The following LARP1B variants were observed in gnomAD, a reference collection of about 807,000 sequenced individuals.
LARP1B encodes la-related protein 1B.
LARP1B carries 76 observed loss-of-function variants against 114.2 expected under a neutral mutation model. The observed-to-expected ratio is 0.67, with a 90% CI of 0.55 to 0.81. LARP1B has a LOEUF of 0.81. Ranked by LOEUF, LARP1B falls within the 30% of genes least tolerant of loss-of-function variation. The probability of loss-of-function intolerance (pLI) is 0.00; values close to 1 mark genes in which losing one functional copy is unlikely to be tolerated. For missense variants in LARP1B, 1,014 were observed against 1,075.8 expected (o/e 0.94, Z 0.80); for synonymous variants, 345 against 348.0 (o/e 0.99, Z 0.10).
chr4:128,141,039 C>G (rs1020620149), intron 11 of LARP1B, among the ~76,000 whole-genome samples: 19 of 152,210 alleles, frequency 1.2e-4, no homozygotes, highest in African/African-American at 4.6e-4. Context: ...TGGTCTTGAA[C>G]TCCTGACCTC....
At chr4:128,113,211 C>G (rs1784690806) in intron 9 of LARP1B, among the ~76,000 whole-genome samples, 1 of 151,948 alleles carries the variant, frequency 6.6e-6, no homozygotes, top group Admixed American at 6.6e-5. Flanking sequence ...TTGAAGACAC[C>G]TTGTGTTCAA....
At chr4:128,184,456 A>C (rs1215875558) in intron 15 of LARP1B, among the ~76,000 whole-genome samples, 1 of 152,172 alleles carries the variant, frequency 6.6e-6, no homozygotes, top group Non-Finnish European at 1.5e-5. Context: ...ACAGTTGTAC[A>C]TATTTTGGGG....
intron 9 of LARP1B, among the ~76,000 whole-genome samples, chr4:128,112,464 C>CTTTT (rs1380790093): frequency 4.9e-5 from 4 of 80,902 alleles, no homozygotes; most frequent in Middle Eastern, 0.011. Context: ...AATGCTTACT[C>CTTTT]TATTTTTTTT....
At chr4:128,133,405 A>G (rs1792176098) in intron 11 of LARP1B, among the ~76,000 whole-genome samples, 1 of 152,240 alleles carries the variant, frequency 6.6e-6, no homozygotes, top group African/African-American at 2.4e-5. Context: ...GGATGACTTA[A>G]TATTATTAAC....
At chr4:128,139,587 AAAAAAAAC>A (rs765429022) in intron 11 of LARP1B, among the ~76,000 whole-genome samples, 18 of 152,004 alleles carry the variant, frequency 1.2e-4, no homozygotes, top group Non-Finnish European at 2.6e-4. Context: ...AACTGTTAAA[AAAAAAAAC>A]AAAAAAACAG....
At chr4:128,103,088 G>A (rs893242174) in intron 8 of LARP1B, among the ~76,000 whole-genome samples, 78 of 152,230 alleles carry the variant, frequency 5.1e-4, no homozygotes, top group African/African-American at 1.8e-3. Flanking sequence ...TAATAGCTAA[G>A]TCAGTTAAAA....
chr4:128,176,208 T>TATAAATATATAA (rs1561496712), intron 12 of LARP1B, among the ~76,000 whole-genome samples: 1 of 144,652 alleles, frequency 6.9e-6, no homozygotes, highest in Non-Finnish European at 1.5e-5. Context: ...ATATATTATA[T>TATAAATATATAA]ATTTATATAT....
intron 11 of LARP1B, among the ~76,000 whole-genome samples, chr4:128,136,603 A>G (rs1000068431): frequency 1.3e-5 from 2 of 152,224 alleles, no homozygotes; most frequent in African/African-American, 4.8e-5. Flanking sequence ...ATCAGACAAT[A>G]AAAAGTAATT....
At chr4:128,174,211 A>T (rs192719645) in intron 12 of LARP1B, among the ~76,000 whole-genome samples, 1 of 152,084 alleles carries the variant, frequency 6.6e-6, no homozygotes, top group Non-Finnish European at 1.5e-5. Context: ...AAATGCTATT[A>T]TGACTATTCA....
intron 11 of LARP1B, among the ~76,000 whole-genome samples, chr4:128,158,500 G>A (rs922018236): frequency 6.6e-6 from 1 of 151,872 alleles, no homozygotes; most frequent in Non-Finnish European, 1.5e-5. Context: ...AGAATAAAAA[G>A]GCAAGTTAAA....
At chr4:128,105,876 G>A (rs929046450) in intron 8 of LARP1B, among the ~76,000 whole-genome samples, 2 of 152,106 alleles carry the variant, frequency 1.3e-5, no homozygotes, top group African/African-American at 4.8e-5. Context: ...GGGTGACAGA[G>A]TGAGACTCCG....
downstream of LARP1B, among the ~76,000 whole-genome samples, chr4:128,213,019 A>T (rs368530910): frequency 1.3e-4 from 20 of 148,738 alleles, no homozygotes; most frequent in East Asian, 3.8e-3. Context: ...TCCAGATCCA[A>T]GCAATTCTCC....
rs771857360 is a variant in LARP1B, at chr4:128,091,418, AATACCAGTATGATGT to A, written c.577_591del (p.Thr193_Tyr197del). 6.2e-7 allele frequency: 1 copy of A among 1,611,722 alleles called. No individual in the cohort carries two copies. Among genetic ancestry groups the A allele is most frequent in the Non-Finnish European group, 8.5e-7 (1 of 1,177,888 alleles). On this transcript the variant is annotated inframe_deletion, in exon 7 of 20. Coordinates refer to ENST00000326639, the MANE Select transcript of LARP1B (RefSeq NM_018078.4). ...TGATCAACCATTTCAAACAGAACTTAATACCAGTATGATGTATTACTATGATGATGGTACAGGTGT... is the reference window on the plus strand; with the variant it reads ...TGATCAACCATTTCAAACAGAACTTAATTACTATGATGATGGTACAGGTGT...
chr4:128,106,268 C>T (rs561842886), intron 8 of LARP1B, among the ~76,000 whole-genome samples: 10 of 152,248 alleles, frequency 6.6e-5, no homozygotes, highest in East Asian at 3.9e-4. Context: ...GTGATCCACC[C>T]GCCCCGGTCT....
rs146471609 is a variant in LARP1B, at chr4:128,098,265, A to G, written c.748A>G (p.Ile250Val). The G allele has an allele frequency of 2.0e-5, 33 of 1,613,734 alleles. No homozygotes were observed. The African/African-American group carries it at 2.9e-4, about 14-fold the overall frequency. ...GATGGATGAACAAGGTTTCTTGCCT[A>G]TTTCCCTGATTGCTGGTTTTCAGCG... ...GKMDEQGFLP[I>V]SLIAGFQRVQ... The change falls in exon 8 of 20, where the codon ATT becomes GTT. Residue 250 changes from isoleucine (I) to valine (V), a missense_variant. Coordinates refer to ENST00000326639, the MANE Select transcript of LARP1B (RefSeq NM_018078.4).
At chr4:128,140,837 G>T (rs56291407) in intron 11 of LARP1B, among the ~76,000 whole-genome samples, 72,919 of 133,402 alleles carry the variant, frequency 0.55, 20,067 homozygotes, top group Middle Eastern at 0.77. Context: ...TTTTTTTTTG[G>T]CAGAGTCTTG....
At chr4:128,078,101 C>G in intron 4 of LARP1B, 139 bp downstream of exon 4, 1 of 552,432 alleles carries the variant, frequency 1.8e-6, no homozygotes, top group Non-Finnish European at 3.0e-6. Context: ...GCAGAGGTAA[C>G]TCATTTGCTT....
At chr4:128,182,197 G>A (rs530049517) in intron 15 of LARP1B, among the ~76,000 whole-genome samples, 24 of 138,522 alleles carry the variant, frequency 1.7e-4, no homozygotes, top group East Asian at 2.3e-4. Context: ...CACTGCAACC[G>A]TAACCTCCCA....
chr4:128,097,782 C>T (rs1778611463), intron 7 of LARP1B, among the ~76,000 whole-genome samples: 3 of 152,024 alleles, frequency 2.0e-5, no homozygotes, highest in South Asian at 4.2e-4. Context: ...AGGTGGAAGG[C>T]ATTATGCTAA....
Sources: gnomAD v4.1 joint callset for allele counts (sites outside exome capture counted in the v4.1 genomes callset) on GRCh38, gnomAD v4.1.1 for gene constraint, MANE v1.5 for transcripts, NCBI Gene and HGNC (gene_info 2026-07-23, HGNC 2026-07-21) for gene names.